The following PINX1 variants were observed in gnomAD, a reference collection of about 807,000 sequenced individuals.
PINX1 encodes PIN2/TERF1-interacting telomerase inhibitor 1.
In PINX1, 34 loss-of-function variants were observed where a neutral mutation model predicts 25.4. The observed-to-expected ratio is 1.34, with a 90% CI of 1.02 to 1.78. The LOEUF (loss-of-function observed/expected upper bound fraction) is 1.78. Ranked by LOEUF, PINX1 falls within the 40% of genes most tolerant of loss-of-function variation. The pLI, the probability that PINX1 is intolerant of heterozygous loss-of-function variation, is 0.00. For missense variants in PINX1, 592 were observed against 404.9 expected (o/e 1.46, Z -3.97); for synonymous variants, 197 against 147.7 (o/e 1.33, Z -2.42).
intron 6 of PINX1, among the ~76,000 whole-genome samples, chr8:10,791,900 G>A (rs999465068): frequency 6.6e-6 from 1 of 152,214 alleles, no homozygotes; most frequent in Non-Finnish European, 1.5e-5. Flanking sequence ...CAAGAAGCGT[G>A]CAGCTTTTGA....
chr8:10,785,423 G>T (rs1487406419), intron 6 of PINX1, among the ~76,000 whole-genome samples: 2 of 152,110 alleles, frequency 1.3e-5, no homozygotes, highest in African/African-American at 2.4e-5. Flanking sequence ...TTATCCAAAT[G>T]ACTTAATTAT....
At chr8:10,819,395 T>C (rs1358862320) in intron 6 of PINX1, among the ~76,000 whole-genome samples, 1 of 152,182 alleles carries the variant, frequency 6.6e-6, no homozygotes, top group East Asian at 1.9e-4. Context: ...TAAAAGATCA[T>C]CAGTACAACA....
At chr8:10,820,538 G>C (rs1249656352) in intron 5 of PINX1, among the ~76,000 whole-genome samples, 1 of 152,142 alleles carries the variant, frequency 6.6e-6, no homozygotes, top group Non-Finnish European at 1.5e-5. Flanking sequence ...CTGACTGCAA[G>C]GAAAGCTAAA....
At chr8:10,823,964 GTT>G (rs1444162929) in intron 5 of PINX1, among the ~76,000 whole-genome samples, 1 of 152,140 alleles carries the variant, frequency 6.6e-6, no homozygotes, top group Non-Finnish European at 1.5e-5. Flanking sequence ...GCATCTTCCT[GTT>G]TGATTTCCTG....
In PINX1 at chr8:10,814,280, C is replaced by T. The variant is rs578057679; in HGVS notation, c.471+5913G>A. Among the ~76,000 whole-genome samples, 177 of 152,328 alleles carry T rather than the reference C, an allele frequency of 1.2e-3. 3 individuals are homozygous for T. The South Asian group carries it at 0.034, about 29-fold the overall frequency. ...CACAGAACAGTTTATGAGAAGTTTT[C>T]TGAGCAACTGGCAGTTCGTGATGAT... On this transcript the variant is annotated intron_variant, in intron 6 of 6. Transcript: ENST00000314787.
intron 4 of PINX1, among the ~76,000 whole-genome samples, chr8:10,829,304 AAGAG>A (rs1329880437): frequency 4.7e-4 from 69 of 146,810 alleles, no homozygotes; most frequent in African/African-American, 1.4e-3. Flanking sequence ...AAAAAAAAAA[AAGAG>A]AGAGAGAAAA....
intron 6 of PINX1, among the ~76,000 whole-genome samples, chr8:10,795,759 A>G (rs1272050724): frequency 6.6e-6 from 1 of 152,248 alleles, no homozygotes; most frequent in Non-Finnish European, 1.5e-5. Context: ...CTAAATAGGT[A>G]AAGTCAAAAG....
intron 4 of PINX1, among the ~76,000 whole-genome samples, chr8:10,829,978 T>G (rs1399589049): frequency 2.0e-5 from 3 of 152,186 alleles, no homozygotes; most frequent in African/African-American, 7.2e-5. Context: ...CAGCCAAGCT[T>G]ACATTCTTAT....
intron 6 of PINX1, among the ~76,000 whole-genome samples, chr8:10,782,712 G>C (rs942921393): frequency 6.6e-6 from 1 of 152,074 alleles, no homozygotes; most frequent in Non-Finnish European, 1.5e-5. Context: ...CTTCAACCTG[G>C]GCAACAAAGT....
intron 6 of PINX1, among the ~76,000 whole-genome samples, chr8:10,787,272 G>C (rs973876838): frequency 4.6e-5 from 7 of 151,908 alleles, no homozygotes; most frequent in Admixed American, 4.6e-4. Flanking sequence ...TTATCACCAG[G>C]CTGGAGAGCA....
At chr8:10,822,163 G>GA (rs1246631268) in intron 5 of PINX1, 1 of 152,198 alleles carries the variant, frequency 6.6e-6, no homozygotes, top group Non-Finnish European at 1.5e-5. Context: ...AAGAGTCAGA[G>GA]ACCAGTGGAA....
At position 10,765,557 on chromosome 8, in the gene PINX1, T is replaced by G. The variant is rs746469641; in HGVS notation, c.831A>C (p.Ala277=). 6.2e-7 allele frequency: 1 copy of G among 1,613,762 alleles called. No homozygotes were observed. The change falls in exon 7 of 7, where the codon GCA becomes GCC. Residue 277 remains alanine (A), a synonymous_variant. Transcript: ENST00000314787. ...DQSSKASAQD[A]GDHVQPPEGR... is the part of the protein sequence containing the mutation. ...CCTCAGGCGGCTGCACATGGTCCCC[T>G]GCATCCTGAGCAGAGGCCTTGGAAC... is the stretch of plus-strand genomic sequence containing the variant.
intron 6 of PINX1, among the ~76,000 whole-genome samples, chr8:10,818,500 T>C (rs552247234): frequency 1.4e-4 from 22 of 152,214 alleles, no homozygotes; most frequent in African/African-American, 5.1e-4. Context: ...TCTCTTAAAG[T>C]TCTACAAAAG....
chr8:10,771,025 T>C (rs1224099990), intron 6 of PINX1, among the ~76,000 whole-genome samples: 1 of 152,172 alleles, frequency 6.6e-6, no homozygotes, highest in Non-Finnish European at 1.5e-5. Flanking sequence ...GATGAACAAA[T>C]GCTCACTGCC....
At chr8:10,835,902 C>G (rs1322909928) in intron 1 of PINX1, among the ~76,000 whole-genome samples, 2 of 151,966 alleles carry the variant, frequency 1.3e-5, no homozygotes, top group Non-Finnish European at 2.9e-5. Flanking sequence ...ATTATGAACT[C>G]CAGTTTATCA....
chr8:10,825,466 T>C (rs774008308), intron 5 of PINX1: 2 of 534,338 alleles, frequency 3.7e-6, no homozygotes, highest in Non-Finnish European at 7.7e-6. Context: ...AACTGGGGAG[T>C]TGGTTCTATT....
At chr8:10,838,501 A>G (rs1798472964) in intron 1 of PINX1, among the ~76,000 whole-genome samples, 1 of 152,226 alleles carries the variant, frequency 6.6e-6, no homozygotes, top group South Asian at 2.1e-4. Context: ...AGGGATAAAA[A>G]TATTAAGAGA....
intron 6 of PINX1, among the ~76,000 whole-genome samples, chr8:10,806,441 T>G (rs1447493120): frequency 6.6e-6 from 1 of 152,186 alleles, no homozygotes; most frequent in Non-Finnish European, 1.5e-5. Flanking sequence ...ATGGGAATGA[T>G]GCCAGGTCTA....
chr8:10,768,552 G>A (rs1184731268), intron 6 of PINX1, among the ~76,000 whole-genome samples: 1 of 152,172 alleles, frequency 6.6e-6, no homozygotes, highest in East Asian at 1.9e-4. Context: ...ATGGAGACAG[G>A]CTAGAGAGGG....
Sources: gnomAD v4.1 joint callset for allele counts (sites outside exome capture counted in the v4.1 genomes callset) on GRCh38, gnomAD v4.1.1 for gene constraint, MANE v1.5 for transcripts, NCBI Gene and HGNC (gene_info 2026-07-23, HGNC 2026-07-21) for gene names.